Variants in INSR observed in about 807,000 individuals in gnomAD.
The protein encoded by INSR is IR.
In INSR, 67 loss-of-function variants were observed where a neutral mutation model predicts 142.6. The observed-to-expected ratio is 0.47, with a 90% CI of 0.39 to 0.58. The LOEUF (loss-of-function observed/expected upper bound fraction) is 0.58, where lower values mean the gene tolerates loss of function less well. Ranked by LOEUF, INSR falls within the 20% of genes least tolerant of loss-of-function variation. The probability of loss-of-function intolerance (pLI) is 0.00; values close to 1 mark genes in which losing one functional copy is unlikely to be tolerated. For synonymous variants in INSR, 756 were observed against 743.1 expected (o/e 1.02, Z -0.28); for missense variants, 1,248 against 1,833.2 (o/e 0.68, Z 5.83).
intron 14 of INSR, among the ~76,000 whole-genome samples, chr19:7,131,088 C>T (rs568789643): frequency 4.0e-5 from 6 of 151,372 alleles, no homozygotes; most frequent in Admixed American, 6.6e-5. Flanking sequence ...CCATGTTGGT[C>T]AGGCTGGTCT....
intron 2 of INSR, among the ~76,000 whole-genome samples, chr19:7,196,885 G>A (rs1974762723): frequency 6.6e-6 from 1 of 152,144 alleles, no homozygotes; most frequent in Non-Finnish European, 1.5e-5. Context: ...ATTGACCACA[G>A]GGCCCCGCGG....
chr19:7,244,845 C>T (rs1338071317), intron 2 of INSR, among the ~76,000 whole-genome samples: 1 of 151,654 alleles, frequency 6.6e-6, no homozygotes, highest in Non-Finnish European at 1.5e-5. Context: ...CAGCGAGCTG[C>T]ACTTTTTTTC....
rs191570396 is a variant in INSR at position 7,287,948 on chromosome 19, A to G, written c.100+5844T>C. Among the ~76,000 whole-genome samples, 32 of 152,366 alleles carry G rather than the reference A, an allele frequency of 2.1e-4. No individual in the cohort carries two copies. In the East Asian group the frequency reaches 5.8e-3, roughly 28 times the overall value. On this transcript the variant is annotated intron_variant, in intron 1 of 21. Transcript: ENST00000302850. ...CATTTTTGCGCAGTCATAGATGATG[A>G]GTAGACAAATGAGTGTGGTTGCATG...
At chr19:7,177,370 C>T (rs1200794009) in intron 3 of INSR, among the ~76,000 whole-genome samples, 1 of 152,134 alleles carries the variant, frequency 6.6e-6, no homozygotes, top group Non-Finnish European at 1.5e-5. Context: ...GATAACAAAA[C>T]CAACAAAGAG....
At chr19:7,164,050 C>T (rs538079612) in intron 8 of INSR, among the ~76,000 whole-genome samples, 10 of 136,832 alleles carry the variant, frequency 7.3e-5, no homozygotes, top group South Asian at 2.3e-4. Context: ...GCTGAGAATG[C>T]GCCATTGAAC....
intron 1 of INSR, among the ~76,000 whole-genome samples, chr19:7,285,407 A>G (rs1024371871): frequency 1.3e-5 from 2 of 152,128 alleles, no homozygotes; most frequent in African/African-American, 4.8e-5. Flanking sequence ...CCCAGATCAC[A>G]CCACTGCAGT....
chr19:7,225,261 T>A lies in INSR; in HGVS notation c.653-40624A>T, dbSNP rs1975744360. Among the ~76,000 whole-genome samples the A allele has an allele frequency of 6.6e-6, 1 of 152,162 alleles. No individual in the cohort carries two copies. The highest frequency in any genetic ancestry group is 1.5e-5 in the Non-Finnish European group (1 of 68,030). On this transcript the variant is annotated intron_variant, in intron 2 of 21. Transcript: ENST00000302850. This position sits in a 1 kb window ranked among gnomAD's most constrained non-coding sequence, Gnocchi z 4.7. ...GAGCCACAAGAAGACACTTGCTCCA[T>A]CAATGTTACTGTGGGCCAGTTGCCG...
chr19:7,132,162 G>C lies in INSR; in HGVS notation c.2838C>G (p.Asp946Glu), dbSNP rs146588336. Residue 946 changes from aspartate to glutamate, a missense_variant, in exon 14 of 22, where the codon GAC (aspartate) becomes GAG (glutamate). Physicochemically the swap from Asp to Glu is conservative, Grantham distance 45. Around this residue, in one of 3 missense-constraint regions of INSR, gnomAD observed 1,069 missense variants for 1,654.0 expected, o/e 0.65. Transcript: ENST00000302850. ...GAGGCTGCCATGGAGACTTACAATA[G>C]TCTGTCACGTAGAAATAGGTGGGTT... ...WTEPTYFYVT[D>E]YLDVPSNIAK... 3,878 of 1,614,122 alleles carry C rather than the reference G, an allele frequency of 2.4e-3. 6 individuals are homozygous for C. The highest frequency in any genetic ancestry group is 3.1e-3 in the Non-Finnish European group (3,690 of 1,179,976).
chr19:7,281,889 C>T (rs1396499343), intron 1 of INSR, among the ~76,000 whole-genome samples: 2 of 152,064 alleles, frequency 1.3e-5, no homozygotes, highest in African/African-American at 4.8e-5. Context: ...ACATCAGGGG[C>T]TTTTATATAA....
chr19:7,197,399 T>C (rs935247919), intron 2 of INSR, among the ~76,000 whole-genome samples: 2 of 152,200 alleles, frequency 1.3e-5, no homozygotes, highest in African/African-American at 4.8e-5. Context: ...GCCCTCTCCA[T>C]GCTGCGGATC....
rs532226132 is a variant in INSR at position 7,286,235 on chromosome 19, G to A, written c.100+7557C>T. The stretch of plus-strand genomic sequence containing the variant: ...TGGGCTCAAGAGATCCACCTGCTTC[G>A]GCCTCCCAAAGTGCTGGGATTACAG... On this transcript the variant is annotated intron_variant, in intron 1 of 21. Transcript: ENST00000302850. 7.9e-5 allele frequency among the ~76,000 whole-genome samples: 12 copies of A among 151,644 alleles called. No individual in the cohort carries two copies. The South Asian group carries it at 2.3e-3, about 29-fold the overall frequency.
intron 2 of INSR, among the ~76,000 whole-genome samples, chr19:7,204,959 C>T (rs905625644): frequency 1.3e-5 from 2 of 151,746 alleles, no homozygotes; most frequent in African/African-American, 4.8e-5. Context: ...TGGCGGGTGC[C>T]TGTCATCCCA....
At chr19:7,120,997 T>G (rs186676775) in intron 19 of INSR, among the ~76,000 whole-genome samples, 51 of 152,106 alleles carry the variant, frequency 3.4e-4, no homozygotes, top group Admixed American at 2.9e-3. Context: ...AAGCTACATT[T>G]TTCTTTTTTT....
chr19:7,140,468 C>T (rs1258912272), intron 13 of INSR, among the ~76,000 whole-genome samples: 1 of 152,208 alleles, frequency 6.6e-6, no homozygotes, highest in East Asian at 1.9e-4. Context: ...AACATGTTTA[C>T]TATCCAGACC....
Position 7,267,011 on chromosome 19 carries a change from C to G in INSR, c.652+334G>C, listed in dbSNP as rs1967753968. Among the ~76,000 whole-genome samples the G allele has an allele frequency of 6.6e-6, 1 of 152,078 alleles. No homozygotes were observed. Among genetic ancestry groups the G allele is most frequent in the African/African-American group, 2.4e-5 (1 of 41,410 alleles). On this transcript the variant is annotated intron_variant, in intron 2 of 21. Coordinates refer to ENST00000302850, the MANE Select transcript of INSR (RefSeq NM_000208.4). The surrounding 1 kb of genome is among the most constrained non-coding windows in gnomAD (Gnocchi z 6.3). The stretch of plus-strand genomic sequence containing the variant: ...ACAGGCGGTGGCAAACTGCTGCCCT[C>G]GAGCAAAATCCGGCCCACGACTTGT...
Position 7,267,853 on chromosome 19 carries a change from A to G in INSR, c.144T>C (p.His48=). ...MDIRNNLTRL[H]ELENCSVIEG... ...CGATGACAGAGCAATTCTCCAGCTC[A>G]TGCAACCTAGTGAGGTTGTTCCGGA... The change falls in exon 2 of 22, where the codon CAT becomes CAC. Residue 48 remains histidine (H), a synonymous_variant. Coordinates refer to ENST00000302850, the MANE Select transcript of INSR (RefSeq NM_000208.4). The surrounding 1 kb of genome is among the most constrained non-coding windows in gnomAD (Gnocchi z 6.3). 5 of 1,613,226 alleles carry G rather than the reference A, an allele frequency of 3.1e-6. No individual in the cohort carries two copies. The South Asian group carries it at 5.5e-5, about 18-fold the overall frequency.
intron 9 of INSR, 68 bp from the exon 10 acceptor site, chr19:7,152,995 A>AC (rs1568448905): frequency 7.8e-6 from 6 of 766,738 alleles, no homozygotes; most frequent in Non-Finnish European, 1.2e-5. Context: ...ACACACACAC[A>AC]CCCCACACAC....
At chr19:7,253,293 C>A (rs1309965018) in intron 2 of INSR, among the ~76,000 whole-genome samples, 1 of 151,962 alleles carries the variant, frequency 6.6e-6, no homozygotes, top group Non-Finnish European at 1.5e-5. Flanking sequence ...GGCTGGAGTG[C>A]AGTGACGTGA....
chr19:7,237,351 T>TA (rs1445057518), intron 2 of INSR, among the ~76,000 whole-genome samples: 1 of 151,092 alleles, frequency 6.6e-6, no homozygotes, highest in Admixed American at 6.6e-5. Flanking sequence ...ACCCCGTCTC[T>TA]ACTAAAACTA....
Sources: allele counts gnomAD v4.1 joint callset (sites outside exome capture counted in the v4.1 genomes callset), GRCh38; gene constraint gnomAD v4.1.1; regional missense constraint gnomAD v4.1.1; non-coding constraint Gnocchi (gnomAD v3.1); transcripts MANE v1.5; gene names NCBI Gene and HGNC (gene_info 2026-07-23, HGNC 2026-07-21).